ALOX5: variants seen among roughly 807,000 people sequenced by gnomAD.
The protein encoded by ALOX5 is arachidonate 5-lipoxygenase.
ALOX5 carries 64 observed loss-of-function variants against 87.9 expected under a neutral mutation model. The ratio of observed to expected loss-of-function variants is 0.73; its 90% CI spans 0.60 to 0.90. ALOX5 has a LOEUF of 0.90. Among genes scored for constraint, ALOX5 ranks in the 40% least tolerant of loss-of-function variants. ALOX5 has a pLI of 0.00. For missense variants in ALOX5, 822 were observed against 907.5 expected (o/e 0.91, Z 1.21); for synonymous variants, 388 against 355.1 (o/e 1.09, Z -1.04).
chr10:45,385,342 G>A (rs1839973254), intron 2 of ALOX5, among the ~76,000 whole-genome samples: 1 of 152,210 alleles, frequency 6.6e-6, no homozygotes, highest in Non-Finnish European at 1.5e-5. Context: ...CAGAGCATCT[G>A]TGTGAAGGGA....
Position 45,425,289 on chromosome 10 carries a change from G to A in ALOX5, c.834+157G>A, listed in dbSNP as rs1042797494. Among the ~76,000 whole-genome samples, 18 of 152,204 alleles carry A rather than the reference G, an allele frequency of 1.2e-4. No individual in the cohort carries two copies. The highest frequency in any genetic ancestry group is 1.9e-4 in the Non-Finnish European group (13 of 68,044). ...TTTTCCTGGCAGCAGTGTCAGCCAG[G>A]GTCCTGGGCATTATGCAGACTGTCT... On this transcript the variant is annotated intron_variant, in intron 6 of 13. Coordinates refer to ENST00000374391, the MANE Select transcript of ALOX5 (RefSeq NM_000698.5). This position sits in a 1 kb window ranked among gnomAD's most constrained non-coding sequence, Gnocchi z 4.4.
chr10:45,443,801 C>T lies in ALOX5; in HGVS notation c.1647C>T (p.Ala549=). Residue 549 remains alanine, a synonymous_variant, in exon 12 of 14, where the codon GCC becomes GCT. Coordinates refer to ENST00000374391, the MANE Select transcript of ALOX5 (RefSeq NM_000698.5). The part of the protein sequence containing the change: ...YLTVVIFTAS[A]QHAAVNFGQY... ...CCGTGGTGATCTTCACCGCCTCCGCCCAGCACGCCGCGGTCAACTTCGGCC... is the reference window on the plus strand; with the variant it reads ...CCGTGGTGATCTTCACCGCCTCCGCTCAGCACGCCGCGGTCAACTTCGGCC... 6.2e-7 allele frequency: 1 copy of T among 1,610,528 alleles called. No homozygotes were observed. The highest frequency in any genetic ancestry group is 8.5e-7 in the Non-Finnish European group (1 of 1,178,720).
intron 1 of ALOX5, among the ~76,000 whole-genome samples, chr10:45,374,860 G>A (rs1839539919): frequency 6.6e-6 from 1 of 152,156 alleles, no homozygotes; most frequent in South Asian, 2.1e-4. Flanking sequence ...AGGCAGATGA[G>A]TCATGCTCAC....
At chr10:45,394,767 C>T in intron 2 of ALOX5, among the ~76,000 whole-genome samples, 1 of 149,130 alleles carries the variant, frequency 6.7e-6, no homozygotes, top group Admixed American at 6.6e-5. Context: ...AAGAAAAAAA[C>T]AAACAACCCC....
intron 7 of ALOX5, among the ~76,000 whole-genome samples, chr10:45,436,537 T>G (rs1004049143): frequency 1.3e-5 from 2 of 152,146 alleles, no homozygotes; most frequent in African/African-American, 4.8e-5. Context: ...TTTTTGTTGA[T>G]TTTGTCAAAA....
At chr10:45,445,356 T>A (rs1842403338) in intron 13 of ALOX5, 152 bp from the exon 14 acceptor site, 1 of 945,270 alleles carries the variant, frequency 1.1e-6, no homozygotes, top group Non-Finnish European at 1.5e-6. Context: ...CGAGGCCCTC[T>A]TGTCAGGCAG....
In ALOX5 at chr10:45,443,496, A is replaced by G. The variant is rs760079146; in HGVS notation, c.1532A>G (p.Asn511Ser). 3 of 1,613,204 alleles carry G rather than the reference A, an allele frequency of 1.9e-6. No individual in the cohort carries two copies. The highest frequency in any genetic ancestry group is 2.5e-6 in the Non-Finnish European group (3 of 1,179,596). The part of the protein sequence containing the change: ...EEDPELQDFV[N>S]DVYVYGMRGR... ...GACCCGGAGCTGCAGGACTTCGTGA[A>G]CGATGTCTACGTGTACGGCATGCGG... Residue 511 changes from asparagine (N) to serine (S), a missense_variant, in exon 11 of 14, where the codon AAC (asparagine) becomes AGC (serine). By Grantham distance (46) the Asn-to-Ser change is conservative (BLOSUM62 1). Transcript: ENST00000374391.
Position 45,375,865 on chromosome 10 carries a change from C to T in ALOX5, c.150+1436C>T, listed in dbSNP as rs571178310. Among the ~76,000 whole-genome samples the T allele has an allele frequency of 2.6e-5, 4 of 152,350 alleles. No individual in the cohort carries two copies. The South Asian group carries it at 6.2e-4, about 24-fold the overall frequency. On this transcript the variant is annotated intron_variant, in intron 1 of 13. Transcript: ENST00000374391. The stretch of plus-strand genomic sequence containing the variant: ...AACTGACCCTGAGGACTGCGGTGCC[C>T]TGGAGTTAATGTGTCGTCCATTTAG...
chr10:45,439,316 C>T (rs780764780), intron 7 of ALOX5, among the ~76,000 whole-genome samples: 2 of 152,180 alleles, frequency 1.3e-5, no homozygotes, highest in Non-Finnish European at 2.9e-5. Context: ...AGTGACACAG[C>T]TGTGTGCTCT....
intron 4 of ALOX5, among the ~76,000 whole-genome samples, chr10:45,418,951 G>T (rs561340932): frequency 6.6e-6 from 1 of 152,366 alleles, no homozygotes; most frequent in African/African-American, 2.4e-5. Flanking sequence ...AGAGGTGGGG[G>T]CGAGGGGTCG....
intron 3 of ALOX5, among the ~76,000 whole-genome samples, chr10:45,402,546 G>T (rs1001408574): frequency 2.6e-5 from 4 of 152,162 alleles, no homozygotes; most frequent in African/African-American, 9.7e-5. Flanking sequence ...GACTCAGCTT[G>T]GGGTTGATTA....
intron 3 of ALOX5, among the ~76,000 whole-genome samples, chr10:45,409,527 C>CTCTCTCTCTG (rs1421396818): frequency 3.3e-5 from 5 of 150,440 alleles, no homozygotes; most frequent in African/African-American, 1.2e-4. Flanking sequence ...CTCTCTCTCT[C>CTCTCTCTCTG]TCTCTCTGTC....
At chr10:45,417,737 A>G (rs563729801) in intron 4 of ALOX5, among the ~76,000 whole-genome samples, 1 of 152,276 alleles carries the variant, frequency 6.6e-6, no homozygotes, top group Non-Finnish European at 1.5e-5. Context: ...CGCCCCTGCC[A>G]TCTCTCAGGT....
chr10:45,408,480 G>A (rs1000486618), intron 3 of ALOX5, among the ~76,000 whole-genome samples: 1 of 152,192 alleles, frequency 6.6e-6, no homozygotes, highest in Non-Finnish European at 1.5e-5. Context: ...TTAAGATAAG[G>A]GGTTGTGGAA....
In ALOX5 at chr10:45,417,836, A is replaced by AC. The variant is rs538927384; in HGVS notation, c.554+5526dup. ...CTGACCTAGCTGTTTCCTTTGCCAC[A>AC]CCCACCCTCCCCACTTCTTGGCCAA... On this transcript the variant is annotated intron_variant, in intron 4 of 13. Transcript: ENST00000374391. 8.3e-4 allele frequency among the ~76,000 whole-genome samples: 126 copies of AC among 151,896 alleles called. 1 individual carries two copies. Among genetic ancestry groups the AC allele is most frequent in the Non-Finnish European group, 1.4e-3 (96 of 67,930 alleles).
intron 9 of ALOX5, among the ~76,000 whole-genome samples, chr10:45,442,319 C>G (rs995789080): frequency 1.2e-4 from 19 of 152,226 alleles, no homozygotes; most frequent in Non-Finnish European, 5.9e-5. Flanking sequence ...TGGCCATTAT[C>G]TCCCAGCCGC....
chr10:45,389,542 C>T (rs1250176389), intron 2 of ALOX5, among the ~76,000 whole-genome samples: 1 of 152,218 alleles, frequency 6.6e-6, no homozygotes, highest in Non-Finnish European at 1.5e-5. Context: ...CAATATTCAA[C>T]ATTCTTAAAG....
chr10:45,393,797 C>T (rs1840392917), intron 2 of ALOX5, among the ~76,000 whole-genome samples: 1 of 152,186 alleles, frequency 6.6e-6, no homozygotes, highest in African/African-American at 2.4e-5. Context: ...CACAAGCATT[C>T]TTATACACCA....
intron 7 of ALOX5, among the ~76,000 whole-genome samples, chr10:45,429,461 G>A (rs546112572): frequency 6.6e-6 from 1 of 152,300 alleles, no homozygotes; most frequent in East Asian, 1.9e-4. Flanking sequence ...CAGCTGGATA[G>A]GTCAGGCACC....
Sources: allele counts gnomAD v4.1 joint callset (sites outside exome capture counted in the v4.1 genomes callset), GRCh38; gene constraint gnomAD v4.1.1; non-coding constraint Gnocchi (gnomAD v3.1); transcripts MANE v1.5; gene names NCBI Gene and HGNC (gene_info 2026-07-23, HGNC 2026-07-21).